The following CERT1 variants were observed in gnomAD, a reference collection of about 807,000 sequenced individuals.
The protein encoded by CERT1 is ceramide transporter 1, also known as ceramide transfer protein.
A neutral mutation model predicts 87.9 loss-of-function variants in CERT1; 31 were observed. That is an observed-to-expected ratio of 0.35 (90% CI 0.27 to 0.48). CERT1 has a LOEUF of 0.48. CERT1 is among the 20% of genes least tolerant of loss of function. The probability of loss-of-function intolerance (pLI) is 0.99; values close to 1 mark genes in which losing one functional copy is unlikely to be tolerated. For missense variants in CERT1, 487 were observed against 758.0 expected, an observed-to-expected ratio of 0.64 and a Z score of 4.20; for synonymous variants, 289 against 250.9, an observed-to-expected ratio of 1.15 and a Z score of -1.44.
At chr5:75,448,948 A>G (rs1357056340) in intron 3 of CERT1, among the ~76,000 whole-genome samples, 4 of 152,228 alleles carry the variant, frequency 2.6e-5, no homozygotes. Flanking sequence ...ATCTAGTAAC[A>G]GTAACCTAAA....
At chr5:75,401,890 C>G (rs1000921453) in intron 9 of CERT1, 7 of 152,086 alleles carry the variant, frequency 4.6e-5, no homozygotes, top group Non-Finnish European at 8.8e-5. Context: ...GATTATTTGG[C>G]AAGATACTCT....
upstream of CERT1, chr5:75,511,737 G>T: frequency 6.5e-7 from 1 of 1,550,238 alleles, no homozygotes; most frequent in Non-Finnish European, 8.7e-7. Flanking sequence ...CGAGCCTTCG[G>T]GATCCTCCTC....
intron 2 of CERT1, among the ~76,000 whole-genome samples, chr5:75,459,814 T>C (rs1020386434): frequency 6.6e-6 from 1 of 151,746 alleles, no homozygotes; most frequent in Non-Finnish European, 1.5e-5. Flanking sequence ...AATACAAAAA[T>C]CAGCTGGGCG....
intron 11 of CERT1, among the ~76,000 whole-genome samples, chr5:75,392,346 G>A (rs1413047618): frequency 6.6e-6 from 1 of 152,118 alleles, no homozygotes; most frequent in Non-Finnish European, 1.5e-5. Context: ...TTTTCAAAAG[G>A]TCCAACAAAG....
chr5:75,457,903 G>GGC (rs1469215676), intron 3 of CERT1, among the ~76,000 whole-genome samples: 4 of 145,958 alleles, frequency 2.7e-5, no homozygotes, highest in East Asian at 2.1e-4. Flanking sequence ...TATGGGTATA[G>GGC]GCGCGCGTGT....
chr5:75,395,555 C>CAAAAAAAAAAA (rs35109034), intron 11 of CERT1, among the ~76,000 whole-genome samples: 1 of 48,012 alleles, frequency 2.1e-5, no homozygotes, highest in Non-Finnish European at 4.2e-5. Flanking sequence ...TGTCTCTTTA[C>CAAAAAAAAAAA]AAAAAAAAAA....
At chr5:75,501,100 G>C (rs1027577026) in intron 2 of CERT1, among the ~76,000 whole-genome samples, 1 of 151,626 alleles carries the variant, frequency 6.6e-6, no homozygotes, top group African/African-American at 2.4e-5. Context: ...TCCCACCTCA[G>C]CCTCCAAAGA....
In CERT1 at chr5:75,511,263, G is replaced by C. The variant is rs1489820804; in HGVS notation, c.-56C>G. On this transcript the variant is annotated 5_prime_UTR_variant, in exon 1 of 17. Coordinates refer to ENST00000643780, the MANE Select transcript of CERT1 (RefSeq NM_001379029.1). ...CCCCGCTCCCTCAGCTGCGCCGGAG[G>C]AGGCGCCCAGTCCTCGGGGTGAAGG... 1 of 1,596,566 alleles carries C rather than the reference G, an allele frequency of 6.3e-7. No individual in the cohort carries two copies. Among genetic ancestry groups the C allele is most frequent in the South Asian group, 1.1e-5 (1 of 89,490 alleles).
chr5:75,376,050 T>C (rs773244144), downstream of CERT1: 11 of 152,094 alleles, frequency 7.2e-5, no homozygotes, highest in Non-Finnish European at 1.5e-4. Flanking sequence ...GAGATGAATT[T>C]TTTCAGATTC....
At chr5:75,469,081 C>A (rs979905519) in intron 2 of CERT1, among the ~76,000 whole-genome samples, 1 of 151,440 alleles carries the variant, frequency 6.6e-6, no homozygotes, top group African/African-American at 2.4e-5. Flanking sequence ...AGGAAAATAG[C>A]AAATGACAAG....
intron 11 of CERT1, among the ~76,000 whole-genome samples, chr5:75,395,274 A>G (rs1331470708): frequency 6.6e-6 from 1 of 152,202 alleles, no homozygotes; most frequent in Non-Finnish European, 1.5e-5. Flanking sequence ...ATGAATCTAA[A>G]TTCTTTCTAT....
chr5:75,496,561 A>C (rs971810286), intron 2 of CERT1, among the ~76,000 whole-genome samples: 1 of 152,238 alleles, frequency 6.6e-6, no homozygotes, highest in Non-Finnish European at 1.5e-5. Flanking sequence ...TCAAAACTGG[A>C]AACAAATATA....
At chr5:75,376,252 C>T (rs183959343), downstream of CERT1, 28 of 152,340 alleles carry the variant, frequency 1.8e-4, no homozygotes, top group East Asian at 5.8e-4. Context: ...TTACACACAA[C>T]TGCATTCAGA....
At chr5:75,381,863 T>C (rs1253546291) in intron 15 of CERT1, 86 bp downstream of exon 15, 11 of 1,204,306 alleles carry the variant, frequency 9.1e-6, no homozygotes, top group East Asian at 7.5e-5. Flanking sequence ...AAGTATAGTG[T>C]ATGGGCTGTG....
intron 2 of CERT1, among the ~76,000 whole-genome samples, chr5:75,504,869 T>C (rs192910829): frequency 1.6e-3 from 241 of 152,316 alleles, no homozygotes; most frequent in Non-Finnish European, 1.6e-3. Context: ...ACAAGTCAGT[T>C]GGTTGTTCCC....
chr5:75,402,754 C>G (rs1019339745), intron 9 of CERT1: 2 of 306,426 alleles, frequency 6.5e-6, no homozygotes, highest in Non-Finnish European at 6.1e-6. Context: ...AAGCCGAGAT[C>G]GCGCCACTGC....
At chr5:75,448,355 A>T (rs1305857722) in intron 3 of CERT1, among the ~76,000 whole-genome samples, 1 of 152,192 alleles carries the variant, frequency 6.6e-6, no homozygotes, top group African/African-American at 2.4e-5. Context: ...CTGAAAAATG[A>T]TAGAACTGTT....
intron 3 of CERT1, among the ~76,000 whole-genome samples, chr5:75,453,338 T>A (rs1764836996): frequency 6.6e-6 from 1 of 152,194 alleles, no homozygotes; most frequent in Admixed American, 6.5e-5. Context: ...CTTTGCTGAT[T>A]CCTACAAAGA....
At chr5:75,510,789 G>A (rs1271637442) in intron 1 of CERT1, among the ~76,000 whole-genome samples, 3 of 152,090 alleles carry the variant, frequency 2.0e-5, no homozygotes, top group Admixed American at 1.3e-4. Flanking sequence ...CAGTCGTTCG[G>A]ACACCGCTGA....
Sources: allele counts gnomAD v4.1 joint callset (sites outside exome capture counted in the v4.1 genomes callset), GRCh38; gene constraint gnomAD v4.1.1; transcripts MANE v1.5; gene names NCBI Gene and HGNC (gene_info 2026-07-23, HGNC 2026-07-21).